Variants in IRAK2 observed in about 807,000 individuals in gnomAD.
IRAK2 encodes interleukin-1 receptor-associated kinase-like 2.
In IRAK2, 57 loss-of-function variants were observed where a neutral mutation model predicts 72.0. The observed-to-expected ratio is 0.79, with a 90% CI of 0.64 to 0.99. The LOEUF (loss-of-function observed/expected upper bound fraction) is 0.99, where lower values mean the gene tolerates loss of function less well. IRAK2 is among the 50% of genes least tolerant of loss of function. IRAK2 has a pLI of 0.00. For synonymous variants in IRAK2, 293 were observed against 312.7 expected (o/e 0.94, Z 0.67); for missense variants, 790 against 794.4 (o/e 0.99, Z 0.07).
At chr3:10,182,076 T>A (rs62238324) in intron 2 of IRAK2, among the ~76,000 whole-genome samples, 9,207 of 151,058 alleles carry the variant, frequency 0.061, 513 homozygotes, top group African/African-American at 0.14. Context: ...CAAGCGATTC[T>A]CTTCCCTCAG....
At chr3:10,182,524 G>C (rs1219015829) in intron 2 of IRAK2, among the ~76,000 whole-genome samples, 2 of 149,622 alleles carry the variant, frequency 1.3e-5, no homozygotes, top group Non-Finnish European at 1.5e-5. Flanking sequence ...CACGTGATCC[G>C]CCCGCCTCGG....
chr3:10,219,333 T>G (rs1421482492), intron 7 of IRAK2, among the ~76,000 whole-genome samples: 2 of 151,378 alleles, frequency 1.3e-5, no homozygotes, highest in Non-Finnish European at 2.9e-5. Flanking sequence ...TTTTGTTTTT[T>G]TTTGAGATGG....
At position 10,219,034 on chromosome 3, in the gene IRAK2, C is replaced by T. The variant is rs967993630; in HGVS notation, c.904-646C>T. Among the ~76,000 whole-genome samples the T allele has an allele frequency of 7.9e-5, 12 of 152,098 alleles. No homozygotes were observed. The South Asian group carries it at 2.1e-3, about 26-fold the overall frequency. On this transcript the variant is annotated intron_variant, in intron 7 of 12. Transcript: ENST00000256458. ...CCAACATGGCAAAACCCTGTCTCCA[C>T]GAAAAATACAAAAATTAGTTGAGAG... is the stretch of plus-strand genomic sequence containing the variant.
chr3:10,216,452 C>A (rs1049695427), intron 6 of IRAK2, among the ~76,000 whole-genome samples: 1 of 152,014 alleles, frequency 6.6e-6, no homozygotes, highest in Non-Finnish European at 1.5e-5. Flanking sequence ...AGGAGTCCAG[C>A]TGGCAGAAAG....
rs1696904729 is a variant in IRAK2, at chr3:10,178,008, A to C, written c.265A>C (p.Ile89Leu). 6.2e-7 allele frequency: 1 copy of C among 1,608,780 alleles called. No individual in the cohort carries two copies. The highest frequency in any genetic ancestry group is 1.7e-5 in the Admixed American group (1 of 59,782). ...CCTGGAGCTCTACCGGGCTGCCCAG[A>C]TCATCCTGAACTGTGAGTAACTCAG... ...CRLELYRAAQ[I>L]ILNWKPAPEI... The change falls in exon 2 of 13, where the codon ATC (isoleucine) becomes CTC (leucine). Residue 89 changes from isoleucine to leucine, a missense_variant. Coordinates refer to ENST00000256458, the MANE Select transcript of IRAK2 (RefSeq NM_001570.4).
chr3:10,204,531 C>T lies in IRAK2; in HGVS notation c.424+4016C>T, dbSNP rs371038511. On this transcript the variant is annotated intron_variant, in intron 3 of 12. Coordinates refer to ENST00000256458, the MANE Select transcript of IRAK2 (RefSeq NM_001570.4). Reference sequence around the variant, plus strand: ...AAAAAGGCCAAGGCAGTCGGATCACCTCAGGTCAGGAGTTCGAGACCAGCC... The same window carrying T: ...AAAAAGGCCAAGGCAGTCGGATCACTTCAGGTCAGGAGTTCGAGACCAGCC... 2.0e-5 allele frequency among the ~76,000 whole-genome samples: 3 copies of T among 152,084 alleles called. No homozygotes were observed. The East Asian group carries it at 5.8e-4, about 29-fold the overall frequency.
At chr3:10,193,724 C>T (rs907332478) in intron 2 of IRAK2, among the ~76,000 whole-genome samples, 6 of 152,266 alleles carry the variant, frequency 3.9e-5, no homozygotes, top group African/African-American at 1.4e-4. Flanking sequence ...CCTTCCGTCA[C>T]CTGCGTCCCC....
At chr3:10,191,545 A>G (rs1697176363) in intron 2 of IRAK2, among the ~76,000 whole-genome samples, 2 of 152,228 alleles carry the variant, frequency 1.3e-5, no homozygotes, top group South Asian at 4.1e-4. Flanking sequence ...CTCAGCCACT[A>G]CGGTCATCCT....
chr3:10,221,628 C>T (rs747042739), intron 8 of IRAK2, among the ~76,000 whole-genome samples: 8 of 151,848 alleles, frequency 5.3e-5, no homozygotes, highest in Middle Eastern at 3.4e-3. Flanking sequence ...CTCAGCTCAC[C>T]GCAGCTTCCC....
At chr3:10,197,996 G>A (rs1410991289) in intron 2 of IRAK2, among the ~76,000 whole-genome samples, 3 of 151,362 alleles carry the variant, frequency 2.0e-5, no homozygotes, top group East Asian at 3.9e-4. Flanking sequence ...TCAGGAGATC[G>A]AGACCATCCT....
intron 11 of IRAK2, 105 bp from the exon 12 acceptor site, chr3:10,238,642 GT>G (rs1173664976): frequency 9.2e-7 from 1 of 1,090,220 alleles, no homozygotes; most frequent in African/African-American, 1.6e-5. Flanking sequence ...CCAGCATTAG[GT>G]TCTTCAGTCT....
intron 2 of IRAK2, among the ~76,000 whole-genome samples, chr3:10,193,481 G>A (rs1268964473): frequency 6.6e-6 from 1 of 151,904 alleles, no homozygotes; most frequent in East Asian, 1.9e-4. Flanking sequence ...AAATTAGCCT[G>A]GCGTGGTGGC....
intron 3 of IRAK2, among the ~76,000 whole-genome samples, chr3:10,202,692 T>C (rs1396227264): frequency 7.0e-6 from 1 of 142,318 alleles, no homozygotes; most frequent in Non-Finnish European, 1.5e-5. Context: ...TTCTTTCCTT[T>C]TTTTTTTTTT....
At chr3:10,195,288 G>A (rs746747098) in intron 2 of IRAK2, among the ~76,000 whole-genome samples, 10 of 152,216 alleles carry the variant, frequency 6.6e-5, no homozygotes, top group African/African-American at 2.4e-4. Flanking sequence ...TGGGAGCAGT[G>A]GCTCAGGCCT....
intron 1 of IRAK2, among the ~76,000 whole-genome samples, chr3:10,174,297 A>G (rs1386314976): frequency 6.6e-6 from 1 of 152,160 alleles, no homozygotes. Flanking sequence ...TTCTGTGTGC[A>G]GGAGACTGTC....
chr3:10,216,787 G>T, intron 6 of IRAK2, 147 bp from the exon 7 acceptor site: 1 of 638,024 alleles, frequency 1.6e-6, no homozygotes, highest in African/African-American at 1.8e-5. Flanking sequence ...CCACCCTGGG[G>T]CCAGGCCCTT....
At chr3:10,231,409 A>G (rs1697859977) in intron 10 of IRAK2, among the ~76,000 whole-genome samples, 1 of 152,058 alleles carries the variant, frequency 6.6e-6, no homozygotes, top group African/African-American at 2.4e-5. Flanking sequence ...CTCCTGCCTC[A>G]GCTTCCCATG....
intron 10 of IRAK2, among the ~76,000 whole-genome samples, chr3:10,228,900 G>A (rs1333634020): frequency 6.6e-6 from 1 of 152,028 alleles, no homozygotes; most frequent in Admixed American, 6.6e-5. Flanking sequence ...GCACACATGT[G>A]AGGAGAGGCA....
rs1398082546 is a variant in IRAK2, at chr3:10,234,663, A to G, written c.1473+4A>G. On this transcript the variant is annotated splice_donor_region_variant and intron_variant, in intron 11 of 12. Transcript: ENST00000256458. ...GCGTAACACCAGCCTGCAGGAGGTG[A>G]GCCTCGCCCGCAGCGGCCTCGCTGC... 12 of 1,610,008 alleles carry G rather than the reference A, an allele frequency of 7.5e-6. No individual in the cohort carries two copies. Among genetic ancestry groups the G allele is most frequent in the Non-Finnish European group, 1.0e-5 (12 of 1,178,060 alleles).
Sources: allele counts gnomAD v4.1 joint callset (sites outside exome capture counted in the v4.1 genomes callset), GRCh38; gene constraint gnomAD v4.1.1; transcripts MANE v1.5; gene names NCBI Gene and HGNC (gene_info 2026-07-23, HGNC 2026-07-21).